The following ORC3 variants were observed in gnomAD, a reference collection of about 807,000 sequenced individuals.
The protein encoded by ORC3 is homolog of latheo, Drosophila.
Under a neutral mutation model 100.7 loss-of-function variants are expected in ORC3, and 78 were observed. The ratio of observed to expected loss-of-function variants is 0.77; its 90% CI spans 0.65 to 0.94. The LOEUF (loss-of-function observed/expected upper bound fraction) is 0.94. ORC3 is among the 40% of genes least tolerant of loss of function. The probability of loss-of-function intolerance (pLI) is 0.00; values close to 1 mark genes in which losing one functional copy is unlikely to be tolerated. For missense variants in ORC3, 789 were observed against 823.9 expected, an observed-to-expected ratio of 0.96 and a Z score of 0.52; for synonymous variants, 295 against 289.3, an observed-to-expected ratio of 1.02 and a Z score of -0.20.
downstream of ORC3, among the ~76,000 whole-genome samples, chr6:87,669,438 T>C (rs1291047562): frequency 6.6e-6 from 1 of 152,238 alleles, no homozygotes; most frequent in South Asian, 2.1e-4. Context: ...TCAGCTTGAA[T>C]GTTTGTTAAG....
At chr6:87,632,965 G>A (rs1670853872) in intron 11 of ORC3, among the ~76,000 whole-genome samples, 1 of 152,190 alleles carries the variant, frequency 6.6e-6, no homozygotes, top group South Asian at 2.1e-4. Flanking sequence ...CCACCTAGGA[G>A]AAAAACATGT....
chr6:87,644,331 A>G (rs1352114769), intron 13 of ORC3, among the ~76,000 whole-genome samples: 1 of 147,866 alleles, frequency 6.8e-6, no homozygotes. Flanking sequence ...TGACCTCGTG[A>G]TCTGCCTGCC....
intron 11 of ORC3, among the ~76,000 whole-genome samples, chr6:87,622,731 T>C (rs1222513067): frequency 6.6e-6 from 1 of 152,184 alleles, no homozygotes; most frequent in Non-Finnish European, 1.5e-5. Flanking sequence ...AGAGTCTCCA[T>C]ACATACAAGT....
intron 18 of ORC3, among the ~76,000 whole-genome samples, chr6:87,665,443 A>G (rs1770519324): frequency 6.6e-6 from 1 of 152,234 alleles, no homozygotes; most frequent in Non-Finnish European, 1.5e-5. Context: ...GCTGCTTCCA[A>G]GAAAAATAGA....
intron 8 of ORC3, among the ~76,000 whole-genome samples, chr6:87,615,293 A>C (rs190616901): frequency 1.3e-5 from 2 of 152,156 alleles, no homozygotes; most frequent in African/African-American, 4.8e-5. Flanking sequence ...GGTCCCTCCC[A>C]CAGCACTTGG....
At chr6:87,591,715 G>A (rs1403425843) in intron 1 of ORC3, among the ~76,000 whole-genome samples, 1 of 152,020 alleles carries the variant, frequency 6.6e-6, no homozygotes, top group African/African-American at 2.4e-5. Flanking sequence ...TTATGGAACT[G>A]CAAGCTTTTT....
chr6:87,598,724 A>G (rs575375371), intron 2 of ORC3, among the ~76,000 whole-genome samples: 1 of 150,716 alleles, frequency 6.6e-6, no homozygotes, highest in Non-Finnish European at 1.5e-5. Flanking sequence ...AAAATCTTTG[A>G]GGAATTGACC....
intron 7 of ORC3, among the ~76,000 whole-genome samples, chr6:87,610,289 AC>A (rs1778646970): frequency 6.6e-6 from 1 of 151,272 alleles, no homozygotes; most frequent in Non-Finnish European, 1.5e-5. Context: ...ACTCCCTGCC[AC>A]CTCCGCCTCC....
downstream of ORC3, among the ~76,000 whole-genome samples, chr6:87,671,567 CAGCCCAAGG>C (rs1376335744): frequency 4.2e-5 from 6 of 142,646 alleles, no homozygotes; most frequent in Non-Finnish European, 8.1e-5. Flanking sequence ...AGGAGGCAAG[CAGCCCAAGG>C]TCAAGCTCGG....
intron 13 of ORC3, among the ~76,000 whole-genome samples, chr6:87,648,957 CATT>C (rs1359219628): frequency 2.6e-5 from 4 of 152,006 alleles, no homozygotes; most frequent in African/African-American, 9.7e-5. Context: ...AAAATATAAA[CATT>C]GTTGTACAGT....
At chr6:87,612,738 A>G (rs1320275208) in intron 8 of ORC3, among the ~76,000 whole-genome samples, 1 of 152,134 alleles carries the variant, frequency 6.6e-6, no homozygotes, top group East Asian at 1.9e-4. Context: ...CAGCATCTCA[A>G]GTAGCTGGGA....
chr6:87,601,739 C>T, intron 2 of ORC3, 45 bp from the exon 3 acceptor site: 1 of 1,099,226 alleles, frequency 9.1e-7, no homozygotes, highest in Non-Finnish European at 1.4e-6. Context: ...ATAACTTATA[C>T]TATTATATGA....
chr6:87,607,592 A>C (rs1253243604), intron 5 of ORC3, 81 bp from the exon 6 acceptor site: 3 of 1,140,150 alleles, frequency 2.6e-6, no homozygotes, highest in Non-Finnish European at 3.7e-6. Context: ...AAAGTAATAC[A>C]CTCAGCAAGA....
At chr6:87,621,538 AAAT>A (rs1379461955) in intron 10 of ORC3, 51 bp downstream of exon 10, 2 of 1,249,080 alleles carry the variant, frequency 1.6e-6, no homozygotes, top group African/African-American at 3.1e-5. Flanking sequence ...ATTTGGTACT[AAAT>A]AAGAGATCTC....
the ORC3 span, among the ~76,000 whole-genome samples, chr6:87,676,804 T>C: frequency 9.9e-4 from 137 of 138,292 alleles, no homozygotes; most frequent in African/African-American, 2.9e-3. Flanking sequence ...TGGCCGGGCA[T>C]GGTGGCTTAC....
At chr6:87,670,436 G>A (rs1770810215), downstream of ORC3, among the ~76,000 whole-genome samples, 1 of 152,004 alleles carries the variant, frequency 6.6e-6, no homozygotes, top group South Asian at 2.1e-4. Context: ...AAAGTGCTGG[G>A]ATTACAGGCA....
chr6:87,651,011 G>GA (rs1412284724), intron 13 of ORC3: 5 of 364,624 alleles, frequency 1.4e-5, no homozygotes, highest in South Asian at 1.0e-4. Flanking sequence ...GCGTCTCAAA[G>GA]AAAAAACAAA....
Position 87,664,833 on chromosome 6 carries a change from C to T in ORC3, c.1924C>T (p.Leu642Phe). 1.2e-6 allele frequency: 2 copies of T among 1,612,784 alleles called. No individual in the cohort carries two copies. Among genetic ancestry groups the T allele is most frequent in the Non-Finnish European group, 1.7e-6 (2 of 1,178,804 alleles). Reference sequence around the variant, plus strand: ...CAAACTGCACCTAGAGTGTAGCAGGCTCATCAACCTCGTGGACTGGTCAGA... The same window carrying T: ...CAAACTGCACCTAGAGTGTAGCAGGTTCATCAACCTCGTGGACTGGTCAGA... ...AYKLHLECSR[L>F]INLVDWSEAF... The change falls in exon 18 of 20, where the codon CTC (leucine) becomes TTC (phenylalanine). Residue 642 changes from leucine (L) to phenylalanine (F), a missense_variant. Leu to Phe is a conservative substitution (Grantham distance 22). Around this residue, in one of 3 missense-constraint regions of ORC3, gnomAD observed 366 missense variants for 394.2 expected, o/e 0.93. Coordinates refer to ENST00000392844, the MANE Select transcript of ORC3 (RefSeq NM_012381.4).
chr6:87,646,937 C>CT (rs71021313), intron 13 of ORC3, among the ~76,000 whole-genome samples: 91,095 of 152,000 alleles, frequency 0.6, 27,919 homozygotes, highest in African/African-American at 0.72. Context: ...CCTACTGTCT[C>CT]TTATCATTCT....
Sources: allele counts gnomAD v4.1 joint callset (sites outside exome capture counted in the v4.1 genomes callset), GRCh38; gene constraint gnomAD v4.1.1; regional missense constraint gnomAD v4.1.1; transcripts MANE v1.5; gene names NCBI Gene and HGNC (gene_info 2026-07-23, HGNC 2026-07-21).